The following RBMS1 variants were observed in gnomAD, a reference collection of about 807,000 sequenced individuals.
RBMS1 encodes the protein RNA-binding motif, single-stranded-interacting protein 1.
RBMS1 carries 17 observed loss-of-function variants against 62.3 expected under a neutral mutation model. That is an observed-to-expected ratio of 0.27 (90% CI 0.19 to 0.41). The LOEUF is 0.41. Ranked by LOEUF, RBMS1 falls within the 10% of genes least tolerant of loss-of-function variation. RBMS1 has a pLI of 1.00. For synonymous variants in RBMS1, 172 were observed against 170.0 expected (o/e 1.01, Z -0.09); for missense variants, 334 against 504.5 (o/e 0.66, Z 3.24).
chr2:160,316,628 G>C (rs1239113027), intron 3 of RBMS1, among the ~76,000 whole-genome samples: 3 of 152,140 alleles, frequency 2.0e-5, no homozygotes, highest in Admixed American at 1.3e-4. Context: ...GTTGCTTTTG[G>C]AGCAGAGTGT....
rs986569933 is a variant in RBMS1 at position 160,274,079 on chromosome 2, A to C, written c.*693T>G. On this transcript the variant is annotated 3_prime_UTR_variant, in exon 14 of 14. Coordinates refer to ENST00000348849, the MANE Select transcript of RBMS1 (RefSeq NM_016836.4). Reference sequence around the variant, plus strand: ...ATGCTGCTGTTTTACAAGGCATAATAGACCAGCTCATTTGGTCAAAGCATT... The same window carrying C: ...ATGCTGCTGTTTTACAAGGCATAATCGACCAGCTCATTTGGTCAAAGCATT... 2.0e-5 allele frequency: 3 copies of C among 152,694 alleles called. No homozygotes were observed. Among genetic ancestry groups the C allele is most frequent in the Non-Finnish European group, 4.4e-5 (3 of 68,046 alleles). The allele number at this position is 152,694 out of a possible 1,614,324, so 9.5% of individuals were successfully genotyped here.
At chr2:160,363,035 G>T (rs1335477196) in intron 2 of RBMS1, among the ~76,000 whole-genome samples, 2 of 152,188 alleles carry the variant, frequency 1.3e-5, no homozygotes, top group East Asian at 3.9e-4. Flanking sequence ...ACTAATATTT[G>T]TTCAGAGACA....
rs181032518 is a variant in RBMS1 at position 160,410,661 on chromosome 2, C to A, written c.76-43270G>T. Among the ~76,000 whole-genome samples the A allele has an allele frequency of 4.4e-3, 668 of 152,276 alleles. 14 individuals carry two copies. The highest frequency in any genetic ancestry group is 3.0e-3 in the Non-Finnish European group (203 of 68,014). On this transcript the variant is annotated intron_variant, in intron 1 of 13. Transcript: ENST00000348849. Reference sequence around the variant, plus strand: ...CCTTTGAAACAAATATGTTCTAACACATAGAAAGTAAGAAAACAGTCCAGA... The same window carrying A: ...CCTTTGAAACAAATATGTTCTAACAAATAGAAAGTAAGAAAACAGTCCAGA...
intron 1 of RBMS1, among the ~76,000 whole-genome samples, chr2:160,455,997 T>C (rs1312227251): frequency 6.6e-6 from 1 of 152,160 alleles, no homozygotes; most frequent in Non-Finnish European, 1.5e-5. Flanking sequence ...CCCAAGCTTT[T>C]TATGGGCAGT....
chr2:160,407,886 G>A, intron 1 of RBMS1: 1 of 980,798 alleles, frequency 1.0e-6, no homozygotes. Flanking sequence ...CACCTACCGC[G>A]GCCTCAACCA....
At chr2:160,343,126 G>A (rs1352364669) in intron 2 of RBMS1, among the ~76,000 whole-genome samples, 3 of 152,110 alleles carry the variant, frequency 2.0e-5, no homozygotes, top group Non-Finnish European at 4.4e-5. Context: ...GGGCAAAAAG[G>A]CTCACTTCAG....
At chr2:160,432,774 G>C (rs1157906396) in intron 1 of RBMS1, among the ~76,000 whole-genome samples, 1 of 152,182 alleles carries the variant, frequency 6.6e-6, no homozygotes, top group Non-Finnish European at 1.5e-5. Flanking sequence ...GAAGGAGCCA[G>C]AGCTTTGGGA....
chr2:160,305,433 ATGT>A (rs1398899482), intron 4 of RBMS1, among the ~76,000 whole-genome samples: 1 of 152,224 alleles, frequency 6.6e-6, no homozygotes, highest in Non-Finnish European at 1.5e-5. Flanking sequence ...GTACAGTAAG[ATGT>A]TGTACAGGTT....
chr2:160,404,137 G>A (rs1695574207), intron 1 of RBMS1, among the ~76,000 whole-genome samples: 1 of 152,130 alleles, frequency 6.6e-6, no homozygotes, highest in South Asian at 2.1e-4. Context: ...TGTCCACTGA[G>A]ACTTGAACCA....
At chr2:160,286,092 C>A (rs1021844344) in intron 7 of RBMS1, among the ~76,000 whole-genome samples, 1 of 151,536 alleles carries the variant, frequency 6.6e-6, no homozygotes, top group Non-Finnish European at 1.5e-5. Flanking sequence ...GCCTGAGCGA[C>A]AGAGCAAGAC....
In RBMS1 at chr2:160,329,640, C is replaced by CA. The variant is rs573391893; in HGVS notation, c.252-11414dup. On this transcript the variant is annotated intron_variant, in intron 2 of 13. Coordinates refer to ENST00000348849, the MANE Select transcript of RBMS1 (RefSeq NM_016836.4). ...TAAAATTACTTTAGTATCAGTTTCTCACAATTACCATATCCCAAATGAAGG... is the reference window on the plus strand; with the variant it reads ...TAAAATTACTTTAGTATCAGTTTCTCAACAATTACCATATCCCAAATGAAGG... Among the ~76,000 whole-genome samples the CA allele has an allele frequency of 3.9e-5, 6 of 152,092 alleles. No individual in the cohort carries two copies. The East Asian group carries it at 1.2e-3, about 29-fold the overall frequency.
intron 2 of RBMS1, among the ~76,000 whole-genome samples, chr2:160,330,340 G>A (rs377174198): frequency 6.6e-6 from 1 of 152,088 alleles, no homozygotes; most frequent in East Asian, 1.9e-4. Flanking sequence ...CTCTGTTCTT[G>A]GCCAGCACTT....
chr2:160,466,761 A>C (rs1684712929), intron 1 of RBMS1, among the ~76,000 whole-genome samples: 1 of 152,228 alleles, frequency 6.6e-6, no homozygotes, highest in African/African-American at 2.4e-5. Context: ...CAAAAAGCTA[A>C]GTGAAGCTCT....
At chr2:160,294,101 C>G (rs566649450) in intron 6 of RBMS1, among the ~76,000 whole-genome samples, 1 of 152,244 alleles carries the variant, frequency 6.6e-6, no homozygotes, top group Non-Finnish European at 1.5e-5. Flanking sequence ...GTAAATCTGA[C>G]TTAATACAAA....
chr2:160,454,611 T>C (rs1684140217), intron 1 of RBMS1, among the ~76,000 whole-genome samples: 1 of 152,058 alleles, frequency 6.6e-6, no homozygotes. Flanking sequence ...GCAGGAAGGA[T>C]CTGGGCGTGT....
chr2:160,393,545 G>A (rs746405737), intron 1 of RBMS1, among the ~76,000 whole-genome samples: 43 of 152,098 alleles, frequency 2.8e-4, no homozygotes, highest in African/African-American at 9.7e-4. Flanking sequence ...TTGGGAGGCC[G>A]AGGCGGGCAG....
At chr2:160,277,208 A>G in intron 12 of RBMS1, 95 bp downstream of exon 12, 14 of 1,158,426 alleles carry the variant, frequency 1.2e-5, no homozygotes, top group Non-Finnish European at 1.7e-5. Context: ...TTATGCAAAT[A>G]TTTGACGTCT....
At chr2:160,333,053 G>A (rs1382608895) in intron 2 of RBMS1, among the ~76,000 whole-genome samples, 1 of 151,906 alleles carries the variant, frequency 6.6e-6, no homozygotes, top group Admixed American at 6.6e-5. Flanking sequence ...GCATTAAAAT[G>A]GGATTCAAGA....
intron 1 of RBMS1, among the ~76,000 whole-genome samples, chr2:160,402,440 G>A (rs984063619): frequency 6.6e-6 from 1 of 152,180 alleles, no homozygotes; most frequent in Non-Finnish European, 1.5e-5. Flanking sequence ...ATTTCCCTGA[G>A]AGAGGGCTGC....
Sources: allele counts gnomAD v4.1 joint callset (sites outside exome capture counted in the v4.1 genomes callset), GRCh38; gene constraint gnomAD v4.1.1; transcripts MANE v1.5; gene names NCBI Gene and HGNC (gene_info 2026-07-23, HGNC 2026-07-21).